ARID2: variants seen among roughly 807,000 people sequenced by gnomAD.
ARID2 encodes AT-rich interaction domain 2.
Under a neutral mutation model 184.6 loss-of-function variants are expected in ARID2, and 32 were observed. The ratio of observed to expected loss-of-function variants is 0.17; its 90% CI spans 0.13 to 0.23. The LOEUF (loss-of-function observed/expected upper bound fraction) is 0.23, where lower values mean the gene tolerates loss of function less well. ARID2 is among the 10% of genes least tolerant of loss of function. ARID2 has a pLI of 1.00. For synonymous variants in ARID2, 836 were observed against 772.6 expected (o/e 1.08, Z -1.36); for missense variants, 1,696 against 2,197.6 (o/e 0.77, Z 4.56).
At chr12:45,754,312 T>G (rs2137999151) in intron 3 of ARID2, among the ~76,000 whole-genome samples, 1 of 152,368 alleles carries the variant, frequency 6.6e-6, no homozygotes, top group Middle Eastern at 3.4e-3. Flanking sequence ...TAAAAGGCCC[T>G]TCATTACTTT....
intron 15 of ARID2, among the ~76,000 whole-genome samples, chr12:45,856,850 G>A (rs180796530): frequency 6.6e-4 from 101 of 152,176 alleles, no homozygotes; most frequent in African/African-American, 2.3e-3. Context: ...CCTACTTCAA[G>A]GCACATTTCT....
In ARID2 at chr12:45,863,082, G is replaced by A. The variant is rs369879054; in HGVS notation, c.4922+2133G>A. Among the ~76,000 whole-genome samples, 342 of 152,278 alleles carry A rather than the reference G, an allele frequency of 2.2e-3. 12 individuals are homozygous for A. In the South Asian group the frequency reaches 0.067, roughly 30 times the overall value. On this transcript the variant is annotated intron_variant, in intron 16 of 20. Coordinates refer to ENST00000334344, the MANE Select transcript of ARID2 (RefSeq NM_152641.4). Reference sequence around the variant, plus strand: ...CAGTATAAGTAAGTACTGTAAAAAAGATAGTTTCATAGTGCTGTTTGCAAC... The same window carrying A: ...CAGTATAAGTAAGTACTGTAAAAAAAATAGTTTCATAGTGCTGTTTGCAAC...
intron 16 of ARID2, among the ~76,000 whole-genome samples, chr12:45,872,640 AACTC>A (rs1443229786): frequency 1.3e-5 from 2 of 152,210 alleles, no homozygotes; most frequent in Non-Finnish European, 2.9e-5. Context: ...ATCTCGTGAG[AACTC>A]ACTCACTATC....
chr12:45,877,746 G>A (rs905390396), intron 16 of ARID2, among the ~76,000 whole-genome samples: 1 of 151,918 alleles, frequency 6.6e-6, no homozygotes, highest in Non-Finnish European at 1.5e-5. Flanking sequence ...ATATACTATT[G>A]TTATTTTTTA....
At chr12:45,802,730 GAA>G (rs899348545) in intron 3 of ARID2, among the ~76,000 whole-genome samples, 1 of 151,130 alleles carries the variant, frequency 6.6e-6, no homozygotes, top group East Asian at 1.9e-4. Context: ...GTGTGGTAAA[GAA>G]AAAAAAATTT....
intron 6 of ARID2, among the ~76,000 whole-genome samples, chr12:45,830,679 A>G (rs1943100980): frequency 6.6e-6 from 1 of 152,152 alleles, no homozygotes; most frequent in Non-Finnish European, 1.5e-5. Flanking sequence ...TGTAAATTGC[A>G]CAAAGTGTTT....
At chr12:45,764,785 A>G (rs1050777769) in intron 3 of ARID2, among the ~76,000 whole-genome samples, 1 of 152,206 alleles carries the variant, frequency 6.6e-6, no homozygotes, top group Admixed American at 6.5e-5. Context: ...GGTTGCTTCC[A>G]GTCTTTGGTG....
intron 4 of ARID2, among the ~76,000 whole-genome samples, chr12:45,814,267 CT>C (rs1942764602): frequency 6.6e-6 from 1 of 152,180 alleles, no homozygotes; most frequent in African/African-American, 2.4e-5. Context: ...ACAACTCTCC[CT>C]TTCTTCTAAA....
chr12:45,893,387 TTCTCTCTCTCTC>T, intron 18 of ARID2, 21 bp from the exon 19 acceptor site: 2 of 1,462,726 alleles, frequency 1.4e-6, no homozygotes, highest in Middle Eastern at 1.8e-4. Context: ...ATCACGTTAA[TTCTCTCTCTCTC>T]TCTCTCTCTG....
chr12:45,733,879 A>G (rs1480834216), intron 3 of ARID2, among the ~76,000 whole-genome samples: 2 of 152,244 alleles, frequency 1.3e-5, no homozygotes, highest in South Asian at 2.1e-4. Context: ...CTTGTCTACA[A>G]AAATTTCTTA....
chr12:45,739,786 A>G (rs1941214807), intron 3 of ARID2, among the ~76,000 whole-genome samples: 1 of 152,230 alleles, frequency 6.6e-6, no homozygotes, highest in Admixed American at 6.5e-5. Context: ...AAATGTTAAT[A>G]TAAACATACA....
At chr12:45,777,740 A>C (rs1942012008) in intron 3 of ARID2, among the ~76,000 whole-genome samples, 1 of 150,814 alleles carries the variant, frequency 6.6e-6, no homozygotes, top group Admixed American at 6.6e-5. Flanking sequence ...GCGTTGTCGT[A>C]GATTATAGGG....
intron 5 of ARID2, among the ~76,000 whole-genome samples, chr12:45,819,978 A>G (rs1383825287): frequency 6.6e-6 from 1 of 152,024 alleles, no homozygotes; most frequent in African/African-American, 2.4e-5. Context: ...TCCTGTCCTC[A>G]AGTGATCTGC....
intron 15 of ARID2, among the ~76,000 whole-genome samples, chr12:45,856,319 G>C (rs1018691723): frequency 6.6e-6 from 1 of 151,622 alleles, no homozygotes. Flanking sequence ...CGCCCACCTC[G>C]GCCTCCCAAA....
At chr12:45,835,445 A>C (rs1391588694) in intron 6 of ARID2, among the ~76,000 whole-genome samples, 1 of 152,170 alleles carries the variant, frequency 6.6e-6, no homozygotes, top group African/African-American at 2.4e-5. Flanking sequence ...GATCACATGA[A>C]GCCAGTAAGC....
chr12:45,756,933 A>G (rs1941582475), intron 3 of ARID2, among the ~76,000 whole-genome samples: 2 of 152,198 alleles, frequency 1.3e-5, no homozygotes, highest in South Asian at 2.1e-4. Flanking sequence ...GGCGGTTGTA[A>G]TATAAACAAA....
At chr12:45,892,436 A>T (rs1944312562) in intron 18 of ARID2, among the ~76,000 whole-genome samples, 1 of 152,184 alleles carries the variant, frequency 6.6e-6, no homozygotes, top group African/African-American at 2.4e-5. Flanking sequence ...AAAAGTAATC[A>T]TCTATTTGAT....
intron 3 of ARID2, among the ~76,000 whole-genome samples, chr12:45,759,532 T>C (rs1592059047): frequency 2.0e-5 from 3 of 152,288 alleles, no homozygotes; most frequent in Middle Eastern, 6.8e-3. Flanking sequence ...AATTCTCAGT[T>C]TTAAAATTGT....
At chr12:45,735,724 G>C (rs1363047796) in intron 3 of ARID2, among the ~76,000 whole-genome samples, 1 of 152,162 alleles carries the variant, frequency 6.6e-6, no homozygotes, top group East Asian at 1.9e-4. Context: ...GCAGAAAGTG[G>C]AGAAAGTTGA....
Sources: gnomAD v4.1 joint callset for allele counts (sites outside exome capture counted in the v4.1 genomes callset) on GRCh38, gnomAD v4.1.1 for gene constraint, MANE v1.5 for transcripts, NCBI Gene and HGNC (gene_info 2026-07-23, HGNC 2026-07-21) for gene names.